Variants in ZEB1 observed in about 807,000 individuals in gnomAD.
ZEB1 encodes the protein zinc finger E-box binding homeobox 1, also known as zinc finger E-box-binding homeobox 1.
A neutral mutation model predicts 84.9 loss-of-function variants in ZEB1; 21 were observed. The observed-to-expected ratio is 0.25, with a 90% CI of 0.18 to 0.36. The LOEUF is 0.36. ZEB1 is among the 10% of genes least tolerant of loss of function. The probability of loss-of-function intolerance (pLI) is 1.00; values close to 1 mark genes in which losing one functional copy is unlikely to be tolerated. For synonymous variants in ZEB1, 420 were observed against 471.1 expected (o/e 0.89, Z 1.41); for missense variants, 1,104 against 1,330.2 (o/e 0.83, Z 2.65).
At chr10:31,398,482 G>A (rs1446534786) in intron 1 of ZEB1, among the ~76,000 whole-genome samples, 1 of 151,798 alleles carries the variant, frequency 6.6e-6, no homozygotes, top group Non-Finnish European at 1.5e-5. Context: ...CTTCACTACT[G>A]GATCTTTTCC....
chr10:31,381,995 T>C (rs528174949), intron 1 of ZEB1, among the ~76,000 whole-genome samples: 1 of 114,190 alleles, frequency 8.8e-6, no homozygotes, highest in Admixed American at 1.3e-4. Context: ...TGGGCGACAG[T>C]GAGACTGTCT....
chr10:31,507,307 G>A (rs982504396), intron 4 of ZEB1, among the ~76,000 whole-genome samples: 11 of 152,110 alleles, frequency 7.2e-5, no homozygotes, highest in Admixed American at 2.0e-4. Flanking sequence ...AATGTGCCAT[G>A]GAGAAGATCT....
chr10:31,369,140 A>G (rs1259216276), intron 1 of ZEB1, among the ~76,000 whole-genome samples: 1 of 152,154 alleles, frequency 6.6e-6, no homozygotes, highest in African/African-American at 2.4e-5. Context: ...GTACAATGTG[A>G]TGTTTTGATA....
chr10:31,342,867 G>A (rs1458111674), intron 1 of ZEB1, among the ~76,000 whole-genome samples: 2 of 152,100 alleles, frequency 1.3e-5, no homozygotes, highest in Non-Finnish European at 2.9e-5. Flanking sequence ...TACCTGACAT[G>A]CCAGCTCTAC....
chr10:31,414,916 T>C (rs1052685568), intron 1 of ZEB1, among the ~76,000 whole-genome samples: 5 of 152,214 alleles, frequency 3.3e-5, no homozygotes, highest in Non-Finnish European at 7.3e-5. Flanking sequence ...GTTCATACTT[T>C]GTAAAACTTA....
chr10:31,335,204 T>C (rs1214780697), intron 1 of ZEB1, among the ~76,000 whole-genome samples: 1 of 152,102 alleles, frequency 6.6e-6, no homozygotes, highest in East Asian at 1.9e-4. Flanking sequence ...TGTTTTAAAT[T>C]GTACGCCCAG....
intron 1 of ZEB1, chr10:31,363,533 C>T (rs1290068117): frequency 6.5e-7 from 1 of 1,528,614 alleles, no homozygotes; most frequent in Non-Finnish European, 8.8e-7. Context: ...CTTTTATTGT[C>T]CTCCTGCCCC....
At chr10:31,489,856 A>G (rs999252745) in intron 2 of ZEB1, among the ~76,000 whole-genome samples, 6 of 151,180 alleles carry the variant, frequency 4.0e-5, no homozygotes, top group African/African-American at 1.2e-4. Flanking sequence ...CACCTTCTTT[A>G]TGACAGTCTT....
intron 1 of ZEB1, among the ~76,000 whole-genome samples, chr10:31,449,992 C>T (rs1159378981): frequency 1.3e-5 from 2 of 152,142 alleles, no homozygotes; most frequent in Non-Finnish European, 2.9e-5. Flanking sequence ...GGCTAGTAAG[C>T]AGTGAAGCTG....
chr10:31,340,773 A>G (rs1564518090), intron 1 of ZEB1, among the ~76,000 whole-genome samples: 1 of 152,196 alleles, frequency 6.6e-6, no homozygotes, highest in African/African-American at 2.4e-5. Flanking sequence ...TGAAAAGATA[A>G]TGCCTGAACT....
intron 2 of ZEB1, among the ~76,000 whole-genome samples, chr10:31,491,853 T>TA (rs935824382): frequency 2.1e-4 from 32 of 152,018 alleles, no homozygotes; most frequent in African/African-American, 7.5e-4. Context: ...GCTATACAGT[T>TA]ACACCCCAAA....
At chr10:31,422,730 G>C (rs1040970600) in intron 1 of ZEB1, among the ~76,000 whole-genome samples, 1 of 151,996 alleles carries the variant, frequency 6.6e-6, no homozygotes, top group Non-Finnish European at 1.5e-5. Flanking sequence ...TGGATATATT[G>C]TGTGATGCTA....
chr10:31,347,310 C>G (rs1323700284), intron 1 of ZEB1, among the ~76,000 whole-genome samples: 2 of 152,166 alleles, frequency 1.3e-5, no homozygotes, highest in Admixed American at 6.5e-5. Context: ...GTGATAGACT[C>G]TCACTCAGTG....
At position 31,527,218 on chromosome 10, in the gene ZEB1, G is replaced by A. The variant is rs766825578; in HGVS notation, c.3332G>A (p.Gly1111Asp). ...SQASSLGQKV[G>D]ESSEQVSEEK... The stretch of plus-strand genomic sequence containing the variant: ...GCAAGCAGCTTAGGACAAAAAGTAG[G>A]CGAGAGTAGTGAGCAAGTGTCTGAA... The change falls in exon 9 of 9, where the codon GGC (glycine) becomes GAC (aspartate). Residue 1111 changes from glycine to aspartate, a missense_variant. This residue lies in a region of ZEB1 where 173 missense variants were observed against 167.0 expected (regional missense o/e 1.04). Transcript: ENST00000424869. 12 of 1,610,804 alleles carry A rather than the reference G, an allele frequency of 7.4e-6. No individual in the cohort carries two copies. In the East Asian group the frequency reaches 2.7e-4, roughly 36 times the overall value.
chr10:31,363,374 G>A, intron 1 of ZEB1: 3 of 1,534,446 alleles, frequency 2.0e-6, no homozygotes, highest in East Asian at 2.4e-5. Flanking sequence ...GCATGCACCT[G>A]GGCCTTGTCA....
At chr10:31,331,286 C>T (rs1343292765) in intron 1 of ZEB1, among the ~76,000 whole-genome samples, 1 of 151,744 alleles carries the variant, frequency 6.6e-6, no homozygotes, top group Non-Finnish European at 1.5e-5. Context: ...TGGGGTTTCA[C>T]CGTGTTAGCC....
chr10:31,474,918 G>A (rs561671183), intron 2 of ZEB1, among the ~76,000 whole-genome samples: 36 of 152,092 alleles, frequency 2.4e-4, no homozygotes, highest in Non-Finnish European at 4.4e-4. Flanking sequence ...GTAGGGACAT[G>A]GATGAAATTG....
chr10:31,371,240 C>T (rs2045641016), intron 1 of ZEB1, among the ~76,000 whole-genome samples: 1 of 151,924 alleles, frequency 6.6e-6, no homozygotes, highest in Non-Finnish European at 1.5e-5. Flanking sequence ...TTTATAATTA[C>T]ATCACAGCCA....
chr10:31,395,943 A>G (rs180882612), intron 1 of ZEB1, among the ~76,000 whole-genome samples: 1 of 152,284 alleles, frequency 6.6e-6, no homozygotes, highest in East Asian at 1.9e-4. Context: ...CATCATGTCC[A>G]TGGGGTGGAG....
Sources: allele counts gnomAD v4.1 joint callset (sites outside exome capture counted in the v4.1 genomes callset), GRCh38; gene constraint gnomAD v4.1.1; regional missense constraint gnomAD v4.1.1; transcripts MANE v1.5; gene names NCBI Gene and HGNC (gene_info 2026-07-23, HGNC 2026-07-21).